SV2C: variants seen among roughly 807,000 people sequenced by gnomAD.
The protein encoded by SV2C is solute carrier family 22 member B3.
In SV2C, 49 loss-of-function variants were observed where a neutral mutation model predicts 79.7. That is an observed-to-expected ratio of 0.61 (90% CI 0.49 to 0.78). The LOEUF is 0.78. SV2C is among the 30% of genes least tolerant of loss of function. The pLI is 0.00. For missense variants in SV2C, 833 were observed against 912.9 expected (o/e 0.91, Z 1.13); for synonymous variants, 334 against 333.2 (o/e 1.00, Z -0.03).
chr5:75,884,007 G>A, the SV2C span, among the ~76,000 whole-genome samples: 4 of 152,066 alleles, frequency 2.6e-5, no homozygotes, highest in Admixed American at 1.3e-4. Flanking sequence ...GGTTATGCAA[G>A]AAGTTGCAAA....
At chr5:76,282,393 A>G (rs796926880) in intron 4 of SV2C, among the ~76,000 whole-genome samples, 1 of 152,238 alleles carries the variant, frequency 6.6e-6, no homozygotes, top group Non-Finnish European at 1.5e-5. Context: ...ACAGACAAGG[A>G]GAGGTCTCAT....
chr5:76,302,049 A>T (rs1748025585), intron 12 of SV2C, among the ~76,000 whole-genome samples: 2 of 152,208 alleles, frequency 1.3e-5, no homozygotes, highest in South Asian at 4.1e-4. Context: ...GCTAGAAGGA[A>T]TTAATAGGGC....
At chr5:76,019,752 T>C in the SV2C span, among the ~76,000 whole-genome samples, 1 of 151,978 alleles carries the variant, frequency 6.6e-6, no homozygotes, top group Non-Finnish European at 1.5e-5. Flanking sequence ...GGCCATACAA[T>C]TGGGGAAAAC....
At chr5:76,054,755 C>T in the SV2C span, among the ~76,000 whole-genome samples, 2 of 151,986 alleles carry the variant, frequency 1.3e-5, no homozygotes, top group Admixed American at 1.3e-4. Context: ...TGATGTTGAG[C>T]TTTTTTTTAT....
intron 2 of SV2C, among the ~76,000 whole-genome samples, chr5:76,191,833 C>T (rs929017663): frequency 3.3e-5 from 5 of 152,202 alleles, no homozygotes; most frequent in Admixed American, 6.5e-5. Flanking sequence ...TCAGGTTCAA[C>T]CTCCTGAAAT....
chr5:75,936,778 A>G, the SV2C span, among the ~76,000 whole-genome samples: 1 of 152,208 alleles, frequency 6.6e-6, no homozygotes, highest in African/African-American at 2.4e-5. Flanking sequence ...ATTGATTCTC[A>G]TTGGAACATA....
chr5:76,253,118 C>T (rs1746161947), intron 4 of SV2C, among the ~76,000 whole-genome samples: 1 of 152,034 alleles, frequency 6.6e-6, no homozygotes, highest in South Asian at 2.1e-4. Flanking sequence ...GTGTTTGTTG[C>T]AGAGAATTAT....
chr5:76,325,226 C>A, intron 12 of SV2C, 138 bp from the exon 13 acceptor site: 1 of 864,350 alleles, frequency 1.2e-6, no homozygotes, highest in Non-Finnish European at 1.8e-6. Context: ...CCCAGATTTG[C>A]TAACAAGCAT....
the SV2C span, among the ~76,000 whole-genome samples, chr5:75,871,467 A>G: frequency 6.6e-6 from 1 of 152,160 alleles, no homozygotes; most frequent in Non-Finnish European, 1.5e-5. Flanking sequence ...GAAAGCCCCC[A>G]AAAGTAAGGA....
intron 2 of SV2C, among the ~76,000 whole-genome samples, chr5:76,184,149 T>C (rs532097899): frequency 4.4e-4 from 67 of 152,356 alleles, no homozygotes; most frequent in African/African-American, 1.6e-3. Flanking sequence ...TAGCAAATTA[T>C]AGATAAAGAA....
the SV2C span, among the ~76,000 whole-genome samples, chr5:75,966,862 A>G: frequency 6.6e-6 from 1 of 152,168 alleles, no homozygotes; most frequent in African/African-American, 2.4e-5. Context: ...ACTGCATTGT[A>G]TGGTAGAAAA....
At chr5:75,954,112 C>T in the SV2C span, among the ~76,000 whole-genome samples, 1 of 152,070 alleles carries the variant, frequency 6.6e-6, no homozygotes, top group African/African-American at 2.4e-5. Flanking sequence ...ATAATAATAA[C>T]TAAGATTCTC....
the SV2C span, among the ~76,000 whole-genome samples, chr5:75,967,431 G>A: frequency 6.6e-6 from 1 of 152,172 alleles, no homozygotes; most frequent in Non-Finnish European, 1.5e-5. Flanking sequence ...CTCAAAGAAG[G>A]GGGTGATGGA....
chr5:76,269,830 A>G (rs1271578544), intron 4 of SV2C, among the ~76,000 whole-genome samples: 1 of 152,210 alleles, frequency 6.6e-6, no homozygotes, highest in African/African-American at 2.4e-5. Flanking sequence ...ATAGTGAATG[A>G]AAAACTGCTG....
At chr5:76,236,575 A>G (rs568114442) in intron 4 of SV2C, among the ~76,000 whole-genome samples, 1 of 147,082 alleles carries the variant, frequency 6.8e-6, no homozygotes, top group South Asian at 2.1e-4. Context: ...AAAATAAAAT[A>G]AAATAAAGAG....
chr5:76,321,199 C>G (rs1748816220), intron 12 of SV2C, among the ~76,000 whole-genome samples: 1 of 151,632 alleles, frequency 6.6e-6, no homozygotes, highest in Admixed American at 6.6e-5. Flanking sequence ...TATGACTTGT[C>G]AAAGAAAAAC....
downstream of SV2C, among the ~76,000 whole-genome samples, chr5:76,337,573 A>G (rs1239719054): frequency 3.3e-5 from 5 of 152,150 alleles, no homozygotes; most frequent in African/African-American, 1.2e-4. Context: ...ATATATTGTT[A>G]TAGAAGGGAA....
intron 1 of SV2C, among the ~76,000 whole-genome samples, chr5:76,120,540 C>T (rs1487908837): frequency 8.1e-6 from 1 of 123,642 alleles, no homozygotes; most frequent in African/African-American, 3.3e-5. Context: ...ACAACAGTCC[C>T]CAGTGTGTGA....
At chr5:75,968,700 T>C in the SV2C span, among the ~76,000 whole-genome samples, 10 of 152,334 alleles carry the variant, frequency 6.6e-5, no homozygotes, top group African/African-American at 2.2e-4. Context: ...CTACGTCTGA[T>C]TGGTGTACCT....
Sources: gnomAD v4.1 joint callset for allele counts (sites outside exome capture counted in the v4.1 genomes callset) on GRCh38, gnomAD v4.1.1 for gene constraint, MANE v1.5 for transcripts, NCBI Gene and HGNC (gene_info 2026-07-23, HGNC 2026-07-21) for gene names.